The following DSCAM variants were observed in gnomAD, a reference collection of about 807,000 sequenced individuals.
DSCAM encodes the protein DS cell adhesion molecule, also known as cell adhesion molecule DSCAM.
A neutral mutation model predicts 217.7 loss-of-function variants in DSCAM; 47 were observed. The ratio of observed to expected loss-of-function variants is 0.22; its 90% CI spans 0.17 to 0.28. The LOEUF (loss-of-function observed/expected upper bound fraction) is 0.28, where lower values mean the gene tolerates loss of function less well. DSCAM is among the 10% of genes least tolerant of loss of function. The probability of loss-of-function intolerance (pLI) is 1.00; values close to 1 mark genes in which losing one functional copy is unlikely to be tolerated. For missense variants in DSCAM, 2,080 were observed against 2,618.3 expected (o/e 0.79, Z 4.49); for synonymous variants, 1,056 against 1,015.3 (o/e 1.04, Z -0.76).
intron 3 of DSCAM, among the ~76,000 whole-genome samples, chr21:40,666,542 A>C (rs992342959): frequency 3.3e-5 from 5 of 152,210 alleles, no homozygotes; most frequent in African/African-American, 1.2e-4. Context: ...CTCACCTTGC[A>C]TGGGCAATGG....
chr21:40,306,417 A>C (rs2074077352), intron 9 of DSCAM, among the ~76,000 whole-genome samples: 1 of 150,638 alleles, frequency 6.6e-6, no homozygotes, highest in African/African-American at 2.5e-5. Flanking sequence ...CTCTTTTCCT[A>C]ATTGAATACC....
chr21:40,418,265 G>C (rs2075390854), intron 3 of DSCAM, among the ~76,000 whole-genome samples: 1 of 152,128 alleles, frequency 6.6e-6, no homozygotes, highest in African/African-American at 2.4e-5. Context: ...AGGAAAGTAA[G>C]GCTGGCCAGA....
At chr21:40,578,609 G>T (rs920451140) in intron 3 of DSCAM, among the ~76,000 whole-genome samples, 1 of 152,168 alleles carries the variant, frequency 6.6e-6, no homozygotes. Flanking sequence ...GACCCCTTTT[G>T]CACTGTGGTA....
chr21:40,598,808 T>G (rs1338018550), intron 3 of DSCAM, among the ~76,000 whole-genome samples: 2 of 152,154 alleles, frequency 1.3e-5, no homozygotes, highest in Non-Finnish European at 2.9e-5. Flanking sequence ...TGGCCCAAAC[T>G]GTCTTTTAAA....
intron 20 of DSCAM, among the ~76,000 whole-genome samples, chr21:40,119,886 C>G (rs1312369486): frequency 2.0e-5 from 3 of 151,948 alleles, no homozygotes; most frequent in Non-Finnish European, 4.4e-5. Context: ...TGCTGCTTTC[C>G]AGATTCCACG....
chr21:40,444,527 A>C (rs565620174), intron 3 of DSCAM, among the ~76,000 whole-genome samples: 2 of 152,336 alleles, frequency 1.3e-5, no homozygotes, highest in South Asian at 4.1e-4. Flanking sequence ...CCCATGAGCA[A>C]GAGAGAGAGA....
chr21:40,438,487 AC>A (rs1414802435), intron 3 of DSCAM, among the ~76,000 whole-genome samples: 1 of 152,242 alleles, frequency 6.6e-6, no homozygotes, highest in Non-Finnish European at 1.5e-5. Flanking sequence ...TGAACATTAT[AC>A]ACTTTTGTAA....
chr21:40,248,867 G>A (rs951604056), intron 11 of DSCAM, among the ~76,000 whole-genome samples: 1 of 152,220 alleles, frequency 6.6e-6, no homozygotes, highest in African/African-American at 2.4e-5. Flanking sequence ...ACATGGCTGA[G>A]GAGGCCTCAG....
At chr21:40,383,630 T>C (rs1426555625) in intron 3 of DSCAM, 1 of 152,206 alleles carries the variant, frequency 6.6e-6, no homozygotes, top group Non-Finnish European at 1.5e-5. Context: ...GTCTCCTTTT[T>C]CTTTCTTTTC....
In DSCAM at chr21:40,843,716, C is replaced by G. The variant is rs113241976; in HGVS notation, c.43+2903G>C. Among the ~76,000 whole-genome samples the G allele has an allele frequency of 5.6e-3, 842 of 151,466 alleles. 12 individuals are homozygous for G. The highest frequency in any genetic ancestry group is 0.02 in the African/African-American group (806 of 41,260). On this transcript the variant is annotated intron_variant, in intron 1 of 32. Coordinates refer to ENST00000400454, the MANE Select transcript of DSCAM (RefSeq NM_001389.5). ...AGAACAAATTGACTGCTTTAAAACA[C>G]GATACTGCACCTCATCAGGTGAGGT...
chr21:40,510,658 G>A (rs1451409474), intron 3 of DSCAM, among the ~76,000 whole-genome samples: 1 of 152,160 alleles, frequency 6.6e-6, no homozygotes, highest in Admixed American at 6.5e-5. Flanking sequence ...TTTTTCATTG[G>A]AGGGTACATT....
At chr21:40,439,755 G>A (rs1343978746) in intron 3 of DSCAM, among the ~76,000 whole-genome samples, 1 of 152,172 alleles carries the variant, frequency 6.6e-6, no homozygotes, top group Non-Finnish European at 1.5e-5. Flanking sequence ...TACATGGATG[G>A]CAGCAGGCAA....
At chr21:40,677,604 A>G (rs142764238) in intron 3 of DSCAM, among the ~76,000 whole-genome samples, 7 of 152,316 alleles carry the variant, frequency 4.6e-5, no homozygotes, top group African/African-American at 1.4e-4. Flanking sequence ...AAAAATATGT[A>G]TATCGACTGA....
At chr21:40,460,429 T>C (rs2075797296) in intron 3 of DSCAM, among the ~76,000 whole-genome samples, 1 of 152,160 alleles carries the variant, frequency 6.6e-6, no homozygotes, top group African/African-American at 2.4e-5. Context: ...TAGCCTAAGA[T>C]AGCAAAGATC....
At chr21:40,063,694 T>C (rs2089160858) in intron 27 of DSCAM, among the ~76,000 whole-genome samples, 2 of 152,156 alleles carry the variant, frequency 1.3e-5, no homozygotes, top group Admixed American at 1.3e-4. Flanking sequence ...TTTCCGGAAA[T>C]GGACTCAGCT....
chr21:40,597,462 T>TTG (rs200168159), intron 3 of DSCAM, among the ~76,000 whole-genome samples: 56 of 150,908 alleles, frequency 3.7e-4, no homozygotes, highest in African/African-American at 1.3e-3. Context: ...AAGCCGGTTT[T>TTG]TTTTTTTTTT....
At chr21:40,381,717 C>G (rs112239191) in intron 3 of DSCAM, among the ~76,000 whole-genome samples, 1 of 152,198 alleles carries the variant, frequency 6.6e-6, no homozygotes, top group African/African-American at 2.4e-5. Context: ...AAGAATGAAA[C>G]TAACACTATG....
chr21:40,454,378 T>G (rs376642707), intron 3 of DSCAM, among the ~76,000 whole-genome samples: 2 of 152,198 alleles, frequency 1.3e-5, no homozygotes, highest in East Asian at 3.9e-4. Flanking sequence ...GTCAAAAGGA[T>G]GAAATGAAAC....
At chr21:40,585,331 TGCTGCGTG>T (rs2076937177) in intron 3 of DSCAM, among the ~76,000 whole-genome samples, 1 of 51,220 alleles carries the variant, frequency 2.0e-5, no homozygotes, top group Admixed American at 2.8e-4. Context: ...TAAAGAAAAA[TGCTGCGTG>T]AACCCGGGAG....
Sources: gnomAD v4.1 joint callset for allele counts (sites outside exome capture counted in the v4.1 genomes callset) on GRCh38, gnomAD v4.1.1 for gene constraint, MANE v1.5 for transcripts, NCBI Gene and HGNC (gene_info 2026-07-23, HGNC 2026-07-21) for gene names.